COG6: variants seen among roughly 807,000 people sequenced by gnomAD.
COG6 encodes the protein conserved oligomeric Golgi complex subunit 6.
In COG6, 74 loss-of-function variants were observed where a neutral mutation model predicts 88.8. That is an observed-to-expected ratio of 0.83 (90% confidence interval 0.69 to 1.01). The LOEUF (loss-of-function observed/expected upper bound fraction) is 1.01. Among genes scored for constraint, COG6 ranks in the 50% least tolerant of loss-of-function variants. COG6 has a pLI of 0.00. For missense variants in COG6, 800 were observed against 797.9 expected (o/e 1.00, Z -0.03); for synonymous variants, 286 against 278.7 (o/e 1.03, Z -0.26).
chr13:39,745,725 A>C (rs1880305678), intron 18 of COG6, among the ~76,000 whole-genome samples: 1 of 152,192 alleles, frequency 6.6e-6, no homozygotes. Context: ...CGGTGAATCC[A>C]TTACTGGGTA....
At chr13:39,717,493 CT>C (rs1246861483) in intron 13 of COG6, among the ~76,000 whole-genome samples, 4 of 147,016 alleles carry the variant, frequency 2.7e-5, no homozygotes, top group African/African-American at 1.0e-4. Context: ...TTTTTCAATT[CT>C]TTTTCTTTCT....
intron 18 of COG6, among the ~76,000 whole-genome samples, chr13:39,731,601 G>A (rs1026025972): frequency 2.0e-5 from 3 of 152,184 alleles, no homozygotes; most frequent in African/African-American, 7.2e-5. Flanking sequence ...GAATGCAGAT[G>A]CTTCCTAAAG....
chr13:39,741,882 C>A (rs1242526462), intron 18 of COG6, among the ~76,000 whole-genome samples: 2 of 152,172 alleles, frequency 1.3e-5, no homozygotes, highest in East Asian at 3.8e-4. Context: ...CAAAGGGAAG[C>A]CCATCAGACT....
At chr13:39,683,683 A>AT (rs1224110396) in intron 8 of COG6, among the ~76,000 whole-genome samples, 1 of 151,892 alleles carries the variant, frequency 6.6e-6, no homozygotes, top group African/African-American at 2.4e-5. Context: ...TTGGCGTTTG[A>AT]TTTTAACAGC....
intron 18 of COG6, among the ~76,000 whole-genome samples, chr13:39,788,124 A>T (rs376599064): frequency 6.6e-6 from 1 of 152,162 alleles, no homozygotes; most frequent in Non-Finnish European, 1.5e-5. Context: ...CTGTGTGACA[A>T]CTGTTACCAC....
chr13:39,707,602 GCTGT>G (rs1878014888), intron 13 of COG6, among the ~76,000 whole-genome samples: 1 of 152,234 alleles, frequency 6.6e-6, no homozygotes, highest in Non-Finnish European at 1.5e-5. Flanking sequence ...GGTGTAAACT[GCTGT>G]CTGACTACTG....
At chr13:39,721,984 T>C (rs1332927699) in intron 15 of COG6, among the ~76,000 whole-genome samples, 1 of 152,120 alleles carries the variant, frequency 6.6e-6, no homozygotes, top group African/African-American at 2.4e-5. Flanking sequence ...TTCAAACCTT[T>C]CTTTTGCTTA....
chr13:39,770,868 G>A (rs553136359), intron 18 of COG6, among the ~76,000 whole-genome samples: 1 of 152,162 alleles, frequency 6.6e-6, no homozygotes, highest in East Asian at 1.9e-4. Context: ...TGTAGTTACC[G>A]CACTCTTTAT....
intron 11 of COG6, among the ~76,000 whole-genome samples, chr13:39,690,082 A>T (rs1467286133): frequency 9.2e-6 from 1 of 109,162 alleles, no homozygotes; most frequent in Non-Finnish European, 2.0e-5. Context: ...AATTTTTCTT[A>T]TTCAATTGAG....
At chr13:39,656,167 A>G in intron 1 of COG6, 1 of 575,308 alleles carries the variant, frequency 1.7e-6, no homozygotes, top group Non-Finnish European at 3.3e-6. Flanking sequence ...TGCCTCGAGA[A>G]GTGTCCTCCA....
intron 13 of COG6, among the ~76,000 whole-genome samples, chr13:39,718,929 CAG>C (rs1056198721): frequency 2.6e-5 from 4 of 152,026 alleles, no homozygotes; most frequent in African/African-American, 4.8e-5. Context: ...AAAAATAAAA[CAG>C]TAGGCCATTT....
chr13:39,761,555 A>G (rs900114312), intron 18 of COG6, among the ~76,000 whole-genome samples: 4 of 151,946 alleles, frequency 2.6e-5, no homozygotes, highest in Admixed American at 2.0e-4. Flanking sequence ...AACTAAAAAG[A>G]TTCAGCACAG....
At chr13:39,743,309 C>A (rs1395249329) in intron 18 of COG6, among the ~76,000 whole-genome samples, 2 of 152,052 alleles carry the variant, frequency 1.3e-5, no homozygotes, top group Non-Finnish European at 2.9e-5. Flanking sequence ...ATCAATGAAT[C>A]CAGGAGCTGG....
At chr13:39,705,843 A>G (rs1360211126) in intron 13 of COG6, among the ~76,000 whole-genome samples, 3 of 152,092 alleles carry the variant, frequency 2.0e-5, no homozygotes, top group Non-Finnish European at 4.4e-5. Flanking sequence ...TGAATTATGC[A>G]TTTTAATAAG....
intron 13 of COG6, among the ~76,000 whole-genome samples, chr13:39,713,387 G>A (rs909074263): frequency 6.6e-6 from 1 of 152,168 alleles, no homozygotes; most frequent in African/African-American, 2.4e-5. Context: ...TTCCCTAAGG[G>A]AGATTATGGT....
intron 4 of COG6, 124 bp downstream of exon 4, chr13:39,665,278 A>AATTATAAACATAT: frequency 1.5e-6 from 1 of 650,748 alleles, no homozygotes; most frequent in Non-Finnish European, 2.8e-6. Flanking sequence ...AAGGTCCTAA[A>AATTATAAACATAT]CTATTATATT....
chr13:39,779,599 C>T (rs993024360), intron 18 of COG6, among the ~76,000 whole-genome samples: 2 of 152,188 alleles, frequency 1.3e-5, no homozygotes, highest in Admixed American at 1.3e-4. Flanking sequence ...AAATGGCACC[C>T]AGGGTCCTGC....
intron 11 of COG6, among the ~76,000 whole-genome samples, chr13:39,691,357 T>C (rs1030766574): frequency 2.0e-5 from 3 of 151,936 alleles, no homozygotes; most frequent in Non-Finnish European, 4.4e-5. Context: ...TTAATGTACA[T>C]ACCCAGAAAG....
At chr13:39,730,018 GA>G (rs1424537609) in intron 18 of COG6, among the ~76,000 whole-genome samples, 1 of 151,348 alleles carries the variant, frequency 6.6e-6, no homozygotes, top group Admixed American at 6.6e-5. Flanking sequence ...TTCCATTATT[GA>G]AGACAATATT....
Sources: gnomAD v4.1 joint callset for allele counts (sites outside exome capture counted in the v4.1 genomes callset) on GRCh38, gnomAD v4.1.1 for gene constraint, MANE v1.5 for transcripts, NCBI Gene and HGNC (gene_info 2026-07-23, HGNC 2026-07-21) for gene names.